RYR2: variants seen among roughly 807,000 people sequenced by gnomAD.
The protein encoded by RYR2 is ryanodine receptor 2.
A neutral mutation model predicts 601.1 loss-of-function variants in RYR2; 227 were observed. The observed-to-expected ratio is 0.38, with a 90% CI of 0.34 to 0.42. The LOEUF (loss-of-function observed/expected upper bound fraction) is 0.42, where lower values mean the gene tolerates loss of function less well. Among genes scored for constraint, RYR2 ranks in the 10% least tolerant of loss-of-function variants. RYR2 has a pLI of 1.00. For synonymous variants in RYR2, 2,223 were observed against 2,175.1 expected (o/e 1.02, Z -0.61); for missense variants, 4,646 against 6,156.5 (o/e 0.75, Z 8.21).
intron 8 of RYR2, among the ~76,000 whole-genome samples, chr1:237,380,389 T>TTGTA (rs1558718014): frequency 1.9e-5 from 1 of 53,930 alleles, no homozygotes; most frequent in Non-Finnish European, 3.7e-5. Context: ...TATATATATA[T>TTGTA]ATATATATAT....
intron 3 of RYR2, chr1:237,333,569 A>G: frequency 2.2e-6 from 1 of 455,880 alleles, no homozygotes; most frequent in Non-Finnish European, 4.4e-6. Flanking sequence ...ACCAAGAAGG[A>G]TAGATATTTT....
chr1:237,732,262 A>G, intron 78 of RYR2, 113 bp downstream of exon 78: 1 of 591,346 alleles, frequency 1.7e-6, no homozygotes, highest in Middle Eastern at 2.9e-4. Context: ...TTGTTAGGAG[A>G]GAGAATTGTT....
intron 26 of RYR2, 140 bp downstream of exon 26, chr1:237,548,730 T>C (rs1283248587): frequency 3.8e-6 from 4 of 1,050,006 alleles, no homozygotes; most frequent in East Asian, 2.6e-5. Flanking sequence ...CTAAAACAGC[T>C]GTTTAATGCT....
intron 100 of RYR2, among the ~76,000 whole-genome samples, chr1:237,815,988 C>T (rs1328887911): frequency 6.6e-6 from 1 of 152,170 alleles, no homozygotes; most frequent in African/African-American, 2.4e-5. Context: ...CCAAGAGGAA[C>T]TGATGGATGA....
intron 1 of RYR2, among the ~76,000 whole-genome samples, chr1:237,054,183 C>T (rs1391174105): frequency 4.6e-5 from 7 of 150,818 alleles, no homozygotes; most frequent in African/African-American, 1.5e-4. Flanking sequence ...CTCCTTCCCT[C>T]CCTCCCTTCT....
chr1:237,282,659 T>C (rs1691014974), intron 2 of RYR2, among the ~76,000 whole-genome samples: 2 of 152,158 alleles, frequency 1.3e-5, no homozygotes, highest in Non-Finnish European at 2.9e-5. Flanking sequence ...ACTGGTGAAG[T>C]TTTATGAAAG....
chr1:237,511,421 C>A lies in RYR2; in HGVS notation c.2719-267C>A, dbSNP rs139596775. Among the ~76,000 whole-genome samples the A allele has an allele frequency of 8.1e-3, 1,228 of 151,770 alleles. 22 individuals carry two copies. Among genetic ancestry groups the A allele is most frequent in the African/African-American group, 0.028 (1,179 of 41,382 alleles). ...TGCTGCAAGGAGCTGACTGAGTGAG[C>A]CTGTGGGAATCTGGGGTAGAAGTCT... On this transcript the variant is annotated intron_variant, in intron 23 of 104. Coordinates refer to ENST00000366574, the MANE Select transcript of RYR2 (RefSeq NM_001035.3).
At chr1:237,345,558 C>A (rs1228083104) in intron 3 of RYR2, among the ~76,000 whole-genome samples, 1 of 151,800 alleles carries the variant, frequency 6.6e-6, no homozygotes, top group African/African-American at 2.4e-5. Context: ...AACAGTATTA[C>A]ATGAGCTGGA....
Position 237,436,454 on chromosome 1 carries a change from C to CTTTTTTTT in RYR2, c.1006-4848_1006-4841dup, listed in dbSNP as rs551140501. Among the ~76,000 whole-genome samples the CTTTTTTTT allele has an allele frequency of 2.6e-3, 129 of 48,702 alleles. 4 individuals carry two copies. Among genetic ancestry groups the CTTTTTTTT allele is most frequent in the Non-Finnish European group, 3.3e-3 (94 of 28,430 alleles). 32.0% of individuals were successfully genotyped at this position (48,702 alleles called of 152,430 possible). A position where few individuals can be genotyped will look rare whatever the true frequency, so the allele number is the denominator to read the frequency against. ...AGCCGAGGGATAATGTGTGATTTTCCTTTTTTTTTTTTTTTTTTTTTTTTG... is the reference window on the plus strand; with the variant it reads ...AGCCGAGGGATAATGTGTGATTTTCCTTTTTTTTTTTTTTTTTTTTTTTTTTTTTTTTG... On this transcript the variant is annotated intron_variant, in intron 12 of 104. Coordinates refer to ENST00000366574, the MANE Select transcript of RYR2 (RefSeq NM_001035.3).
intron 101 of RYR2, among the ~76,000 whole-genome samples, chr1:237,822,805 C>T (rs1662659576): frequency 6.6e-6 from 1 of 152,108 alleles, no homozygotes; most frequent in African/African-American, 2.4e-5. Flanking sequence ...CAAAGACACA[C>T]ATGGGCTTAA....
chr1:237,089,107 T>C lies in RYR2; in HGVS notation c.48+46538T>C, dbSNP rs146574399. On this transcript the variant is annotated intron_variant, in intron 1 of 104. Transcript: ENST00000366574. ...TTTGCACCTGCTGAGTCTCACCTTT[T>C]AAAAACCTCAGACCTCTCAGGAAAT... Among the ~76,000 whole-genome samples the C allele has an allele frequency of 1.4e-4, 21 of 152,320 alleles. No homozygotes were observed. In the East Asian group the frequency reaches 4.1e-3, roughly 29 times the overall value.
At chr1:237,355,000 T>G (rs971390109) in intron 3 of RYR2, among the ~76,000 whole-genome samples, 1 of 152,208 alleles carries the variant, frequency 6.6e-6, no homozygotes, top group East Asian at 1.9e-4. Context: ...TTGCTTTTTA[T>G]GCATATTGCT....
intron 1 of RYR2, among the ~76,000 whole-genome samples, chr1:237,233,803 C>T (rs543392200): frequency 1.8e-4 from 28 of 152,136 alleles, no homozygotes; most frequent in East Asian, 9.7e-4. Context: ...TACAGGCATG[C>T]GCCACCACAC....
chr1:237,386,812 T>A (rs1701989470), intron 8 of RYR2, among the ~76,000 whole-genome samples: 1 of 152,138 alleles, frequency 6.6e-6, no homozygotes, highest in Admixed American at 6.5e-5. Context: ...CAGATAACAG[T>A]TCCTGAAGGA....
At chr1:237,500,393 G>T (rs1664506632) in intron 20 of RYR2, among the ~76,000 whole-genome samples, 1 of 152,104 alleles carries the variant, frequency 6.6e-6, no homozygotes, top group South Asian at 2.1e-4. Context: ...GAAGTCCCTG[G>T]AGATGTTCCT....
At chr1:237,517,956 C>T (rs531214625) in intron 24 of RYR2, among the ~76,000 whole-genome samples, 1 of 152,140 alleles carries the variant, frequency 6.6e-6, no homozygotes, top group Non-Finnish European at 1.5e-5. Flanking sequence ...AAATCTCAGG[C>T]TCCTTTCAGT....
At chr1:237,584,647 C>CTTTTTT (rs1674299637) in intron 29 of RYR2, among the ~76,000 whole-genome samples, 1 of 75,748 alleles carries the variant, frequency 1.3e-5, no homozygotes, top group African/African-American at 4.8e-5. Context: ...AGCTCACCAC[C>CTTTTTT]TGTTTTTTTT....
chr1:237,401,622 G>T (rs1703355274), intron 10 of RYR2, among the ~76,000 whole-genome samples: 1 of 152,194 alleles, frequency 6.6e-6, no homozygotes, highest in Non-Finnish European at 1.5e-5. Flanking sequence ...ACATAAATGT[G>T]TTCACTATCC....
At chr1:237,203,510 A>C (rs1346378770) in intron 1 of RYR2, among the ~76,000 whole-genome samples, 1 of 152,214 alleles carries the variant, frequency 6.6e-6, no homozygotes, top group East Asian at 1.9e-4. Flanking sequence ...TTTAATAAAT[A>C]AAATTCTACT....
Sources: gnomAD v4.1 joint callset for allele counts (sites outside exome capture counted in the v4.1 genomes callset) on GRCh38, gnomAD v4.1.1 for gene constraint, MANE v1.5 for transcripts, NCBI Gene and HGNC (gene_info 2026-07-23, HGNC 2026-07-21) for gene names.